The following RARB variants were observed in gnomAD, a reference collection of about 807,000 sequenced individuals.
RARB encodes the protein retinoic acid receptor beta, also known as HBV-activated protein.
In RARB, 17 loss-of-function variants were observed where a neutral mutation model predicts 51.9. The ratio of observed to expected loss-of-function variants is 0.33; its 90% CI spans 0.22 to 0.49. RARB has a LOEUF of 0.49. RARB is among the 20% of genes least tolerant of loss of function. RARB has a pLI of 0.99. For missense variants in RARB, 369 were observed against 550.8 expected, an observed-to-expected ratio of 0.67 and a Z score of 3.30; for synonymous variants, 215 against 195.4, an observed-to-expected ratio of 1.10 and a Z score of -0.84.
intron 4 of RARB, among the ~76,000 whole-genome samples, chr3:25,147,399 G>T (rs1315156161): frequency 6.6e-6 from 1 of 152,108 alleles, no homozygotes; most frequent in Non-Finnish European, 1.5e-5. Context: ...TCTCTGGGGT[G>T]CCCTATACTG....
intron 4 of RARB, among the ~76,000 whole-genome samples, chr3:25,171,440 ATTTTTTTTT>A (rs1157902711): frequency 2.8e-4 from 9 of 32,214 alleles, no homozygotes; most frequent in African/African-American, 1.4e-3. Context: ...CGACACATTG[ATTTTTTTTT>A]TTTTTTTTTT....
intron 4 of RARB, among the ~76,000 whole-genome samples, chr3:25,571,184 TCTC>T (rs1700697045): frequency 6.6e-6 from 1 of 152,060 alleles, no homozygotes; most frequent in Non-Finnish European, 1.5e-5. Context: ...AACAGACAAG[TCTC>T]CTGGCTGAGC....
At chr3:25,028,083 T>C (rs558430099) in intron 2 of RARB, among the ~76,000 whole-genome samples, 33 of 152,294 alleles carry the variant, frequency 2.2e-4, no homozygotes, top group African/African-American at 7.5e-4. Context: ...AATCAGCTCA[T>C]AACATGTTGG....
intron 5 of RARB, among the ~76,000 whole-genome samples, chr3:25,222,201 A>G (rs6776490): frequency 0.97 from 147,454 of 152,298 alleles, 71,423 homozygotes; most frequent in East Asian, 1. Flanking sequence ...AGGGGCAGAT[A>G]TATGATGACT....
At chr3:25,308,453 T>TTC (rs1254598175) in intron 5 of RARB, among the ~76,000 whole-genome samples, 1 of 149,994 alleles carries the variant, frequency 6.7e-6, no homozygotes, top group Non-Finnish European at 1.5e-5. Context: ...TCTTTCTTTT[T>TTC]TTTTTTTTTT....
intron 1 of RARB, among the ~76,000 whole-genome samples, chr3:25,440,765 A>G (rs1320154957): frequency 2.6e-5 from 4 of 152,018 alleles, no homozygotes; most frequent in African/African-American, 9.7e-5. Context: ...AGAGTAAGAC[A>G]CCGTCCCCCC....
intron 2 of RARB, among the ~76,000 whole-genome samples, chr3:24,979,283 C>G (rs1696586836): frequency 6.6e-6 from 1 of 152,170 alleles, no homozygotes; most frequent in African/African-American, 2.4e-5. Context: ...TGGTCCAGAG[C>G]TGAGGTCAAG....
At chr3:25,021,223 TA>T (rs2125284967) in intron 2 of RARB, among the ~76,000 whole-genome samples, 1 of 152,346 alleles carries the variant, frequency 6.6e-6, no homozygotes, top group Non-Finnish European at 1.5e-5. Context: ...TTTTACATCC[TA>T]AAGCAGGAAA....
chr3:25,558,716 A>G (rs1330594063), intron 3 of RARB, among the ~76,000 whole-genome samples: 2 of 151,938 alleles, frequency 1.3e-5, no homozygotes, highest in African/African-American at 2.4e-5. Context: ...CCCTCAAACC[A>G]AATTCATCAT....
chr3:25,003,631 A>T (rs772567666), intron 2 of RARB, among the ~76,000 whole-genome samples: 17 of 152,168 alleles, frequency 1.1e-4, no homozygotes, highest in Non-Finnish European at 2.5e-4. Flanking sequence ...GCAGAAAATA[A>T]AAAGACAAAG....
chr3:25,265,537 A>G (rs1317997546), intron 5 of RARB, among the ~76,000 whole-genome samples: 1 of 152,198 alleles, frequency 6.6e-6, no homozygotes, highest in Non-Finnish European at 1.5e-5. Context: ...CAGTGGTGCA[A>G]CCTCAGCTCA....
intron 2 of RARB, among the ~76,000 whole-genome samples, chr3:24,966,849 AT>A (rs1167842071): frequency 9.9e-5 from 15 of 152,176 alleles, no homozygotes; most frequent in African/African-American, 3.6e-4. Context: ...TCAGGTGATC[AT>A]TATGTCCATT....
At chr3:25,483,534 T>C (rs1262861054) in intron 2 of RARB, among the ~76,000 whole-genome samples, 1 of 150,820 alleles carries the variant, frequency 6.6e-6, no homozygotes, top group Non-Finnish European at 1.5e-5. Flanking sequence ...CTTCTTTTTT[T>C]TTTTTTTTTT....
At chr3:24,872,322 A>G (rs1019222965) in intron 2 of RARB, among the ~76,000 whole-genome samples, 2 of 152,190 alleles carry the variant, frequency 1.3e-5, no homozygotes, top group African/African-American at 4.8e-5. Flanking sequence ...TCTATCTGGA[A>G]TGTTCTTACC....
At chr3:25,382,768 G>A (rs1301011315) in intron 5 of RARB, among the ~76,000 whole-genome samples, 3 of 152,188 alleles carry the variant, frequency 2.0e-5, no homozygotes, top group African/African-American at 7.2e-5. Flanking sequence ...TGAGGCAGGA[G>A]AATTGTTTGA....
chr3:25,456,554 ATTT>A (rs35056259), intron 1 of RARB, among the ~76,000 whole-genome samples: 2 of 44,118 alleles, frequency 4.5e-5, no homozygotes, highest in Non-Finnish European at 8.1e-5. Flanking sequence ...TATACCACTG[ATTT>A]TTTTTTTTTT....
intron 1 of RARB, among the ~76,000 whole-genome samples, chr3:25,456,626 G>C (rs553047488): frequency 9.1e-4 from 86 of 94,166 alleles, no homozygotes; most frequent in Non-Finnish European, 1.4e-3. Flanking sequence ...GGAAATAAAA[G>C]ACCACTGACC....
rs148571881 is a variant in RARB at position 24,968,186 on chromosome 3, T to C, written c.-379-91939T>C. Among the ~76,000 whole-genome samples, 264 of 152,280 alleles carry C rather than the reference T, an allele frequency of 1.7e-3. No individual in the cohort carries two copies. The Middle Eastern group carries it at 0.024, about 14-fold the overall frequency. ...ACAGTAAAGTAGGCAATTAAGCATG[T>C]GCTACATAAATATGTGTAAATCTAA... On this transcript the variant is annotated intron_variant, in intron 2 of 11. Transcript: ENST00000383772.
intron 2 of RARB, among the ~76,000 whole-genome samples, chr3:25,004,800 A>G (rs1697235987): frequency 6.6e-6 from 1 of 152,140 alleles, no homozygotes; most frequent in Admixed American, 6.6e-5. Flanking sequence ...CATGGCATTT[A>G]TTAGCTGTGA....
Sources: gnomAD v4.1 joint callset for allele counts (sites outside exome capture counted in the v4.1 genomes callset) on GRCh38, gnomAD v4.1.1 for gene constraint, MANE v1.5 for transcripts, NCBI Gene and HGNC (gene_info 2026-07-23, HGNC 2026-07-21) for gene names.